SCNN1B: variants seen among roughly 807,000 people sequenced by gnomAD.
The protein encoded by SCNN1B is sodium channel epithelial 1 subunit beta, also known as epithelial sodium channel subunit beta.
A neutral mutation model predicts 65.3 loss-of-function variants in SCNN1B; 46 were observed. That is an observed-to-expected ratio of 0.70 (90% CI 0.56 to 0.90). The LOEUF (loss-of-function observed/expected upper bound fraction) is 0.90. SCNN1B is among the 40% of genes least tolerant of loss of function. SCNN1B has a pLI of 0.00. For missense variants in SCNN1B, 751 were observed against 830.5 expected (o/e 0.90, Z 1.18); for synonymous variants, 349 against 330.6 (o/e 1.06, Z -0.60).
At chr16:23,335,468 T>C (rs950700394) in intron 1 of SCNN1B, among the ~76,000 whole-genome samples, 2 of 150,920 alleles carry the variant, frequency 1.3e-5, no homozygotes, top group African/African-American at 2.4e-5. Flanking sequence ...TCTTTTTTTT[T>C]TTTTTTAGAT....
intron 1 of SCNN1B, among the ~76,000 whole-genome samples, chr16:23,313,628 T>G (rs1961390179): frequency 6.6e-6 from 1 of 152,234 alleles, no homozygotes; most frequent in Non-Finnish European, 1.5e-5. Context: ...GTTTGTTTGT[T>G]TTGAAATGGA....
chr16:23,375,460 C>A (rs1962873584), intron 7 of SCNN1B, among the ~76,000 whole-genome samples: 1 of 152,164 alleles, frequency 6.6e-6, no homozygotes, highest in South Asian at 2.1e-4. Flanking sequence ...AGGGTGAGGA[C>A]CCCAGCTCTG....
intron 2 of SCNN1B, among the ~76,000 whole-genome samples, chr16:23,295,640 C>T (rs188574913): frequency 6.6e-6 from 1 of 152,310 alleles, no homozygotes; most frequent in African/African-American, 2.4e-5. Flanking sequence ...GCATAAGCCA[C>T]TGCACCCAGC....
In SCNN1B at chr16:23,380,874, T is replaced by C; in HGVS notation, c.*73T>C. The C allele has an allele frequency of 6.5e-7, 1 of 1,531,096 alleles. No homozygotes were observed. The highest frequency in any genetic ancestry group is 9.0e-7 in the Non-Finnish European group (1 of 1,108,162). 94.8% of individuals were successfully genotyped at this position (1,531,096 alleles called of 1,614,324 possible). ...GACTGTTGCCCGAGGCCTCACTGTA[T>C]GGTGCCCTCTCCAAAGGGTCGGGAG... On this transcript the variant is annotated 3_prime_UTR_variant, in exon 13 of 13. Transcript: ENST00000343070. This position sits in a 1 kb window ranked among gnomAD's most constrained non-coding sequence, Gnocchi z 5.4.
intron 1 of SCNN1B, among the ~76,000 whole-genome samples, chr16:23,302,670 G>A (rs1360598545): frequency 6.6e-6 from 1 of 152,168 alleles, no homozygotes; most frequent in Non-Finnish European, 1.5e-5. Flanking sequence ...GGTGCAGAAG[G>A]CAGACGGGGC....
intron 7 of SCNN1B, among the ~76,000 whole-genome samples, chr16:23,375,032 G>C (rs1199755324): frequency 6.6e-6 from 1 of 152,112 alleles, no homozygotes; most frequent in East Asian, 1.9e-4. Flanking sequence ...AGAGGGTCAT[G>C]ACTCGCCCTA....
chr16:23,331,958 CTTGTTTGT>C (rs551211178), intron 1 of SCNN1B, among the ~76,000 whole-genome samples: 24 of 151,980 alleles, frequency 1.6e-4, no homozygotes, highest in African/African-American at 5.1e-4. Flanking sequence ...TGGGTTTTTG[CTTGTTTGT>C]TTGTTTGTTT....
Position 23,348,750 on chromosome 16 carries a change from A to G in SCNN1B, c.151A>G (p.Met51Val). ...CTGTGAGGGGCCCAAGAAGAAAGCC[A>G]TGTGGTTCCTGCTCACCCTGCTCTT... The part of the protein sequence containing the change: ...IICEGPKKKA[M>V]WFLLTLLFAA... The change falls in exon 2 of 13, where the codon ATG becomes GTG. Residue 51 changes from methionine (M) to valine (V), a missense_variant. Physicochemically the swap from Met to Val is conservative, Grantham distance 21. Coordinates refer to ENST00000343070, the MANE Select transcript of SCNN1B (RefSeq NM_000336.3). The surrounding 1 kb of genome is among the most constrained non-coding windows in gnomAD (Gnocchi z 4.5). 6.2e-7 allele frequency: 1 copy of G among 1,614,216 alleles called. No homozygotes were observed. Among genetic ancestry groups the G allele is most frequent in the Non-Finnish European group, 8.5e-7 (1 of 1,180,038 alleles).
rs1431810451 is a variant in SCNN1B at position 23,348,992 on chromosome 16, TC to T, written c.311+84del. 3 of 1,063,482 alleles carry T rather than the reference TC, an allele frequency of 2.8e-6. No homozygotes were observed. In the African/African-American group the frequency reaches 4.7e-5, roughly 17 times the overall value. 65.9% of individuals were successfully genotyped at this position (1,063,482 alleles called of 1,614,324 possible). A position where few individuals can be genotyped will look rare whatever the true frequency, so the allele number is the denominator to read the frequency against. ...CTTTTCTTCCCTTCTACCTTTCCTT[TC>T]CTTCCTTTCCTTCCTTCTCCTTTCT... is the stretch of plus-strand genomic sequence containing the variant. On this transcript the variant is annotated intron_variant, in intron 2 of 12. Transcript: ENST00000343070. The surrounding 1 kb of genome is among the most constrained non-coding windows in gnomAD (Gnocchi z 4.5).
intron 2 of SCNN1B, among the ~76,000 whole-genome samples, chr16:23,291,894 T>C (rs1255859874): frequency 1.3e-5 from 2 of 152,012 alleles, no homozygotes; most frequent in African/African-American, 4.8e-5. Flanking sequence ...GTCTCTGCAT[T>C]TATATAAATA....
At position 23,355,397 on chromosome 16, in the gene SCNN1B, ACAG is replaced by A; in HGVS notation, c.685_687del (p.Gln229del). 1 of 1,614,190 alleles carries A rather than the reference ACAG, an allele frequency of 6.2e-7. No individual in the cohort carries two copies. The highest frequency in any genetic ancestry group is 8.5e-7 in the Non-Finnish European group (1 of 1,180,046). ...TCCTGCAGGCCACCAACATCTTTGC[ACAG>A]GTGCCACAGCAGGAGCTAGTAGAGA... On this transcript the variant is annotated inframe_deletion, in exon 4 of 13. Transcript: ENST00000343070.
rs531653232 is a variant in SCNN1B, at chr16:23,362,590, G to A, written c.777-5266G>A. Among the ~76,000 whole-genome samples, 13 of 152,288 alleles carry A rather than the reference G, an allele frequency of 8.5e-5. No individual in the cohort carries two copies. The East Asian group carries it at 2.5e-3, about 29-fold the overall frequency. ...GGCTCCCAGCCCAGCAGAGATTTCTGTAGGGAAACACCTGGCTCTGGAATC... is the reference window on the plus strand; with the variant it reads ...GGCTCCCAGCCCAGCAGAGATTTCTATAGGGAAACACCTGGCTCTGGAATC... On this transcript the variant is annotated intron_variant, in intron 4 of 12. Transcript: ENST00000343070.
At chr16:23,321,945 A>G (rs1961597248) in intron 1 of SCNN1B, among the ~76,000 whole-genome samples, 1 of 152,110 alleles carries the variant, frequency 6.6e-6, no homozygotes, top group Non-Finnish European at 1.5e-5. Context: ...GGATCGCTTG[A>G]GCCCGGGAGG....
Position 23,355,460 on chromosome 16 carries a change from C to T in SCNN1B, c.747C>T (p.Cys249=). The T allele has an allele frequency of 6.2e-7, 1 of 1,614,192 alleles. No homozygotes were observed. Residue 249 remains cysteine (C), a synonymous_variant, in exon 4 of 13, where the codon TGC becomes TGT. Coordinates refer to ENST00000343070, the MANE Select transcript of SCNN1B (RefSeq NM_000336.3). ...SYPGEQMILA[C]LFGAEPCNYR... Reference sequence around the variant, plus strand: ...CCGGCGAGCAGATGATCCTGGCCTGCCTATTCGGAGCTGAGCCCTGCAACT... The same window carrying T: ...CCGGCGAGCAGATGATCCTGGCCTGTCTATTCGGAGCTGAGCCCTGCAACT...
chr16:23,369,612 C>T (rs1296775366), intron 5 of SCNN1B, among the ~76,000 whole-genome samples: 1 of 152,126 alleles, frequency 6.6e-6, no homozygotes, highest in Non-Finnish European at 1.5e-5. Flanking sequence ...CTGACCTCTG[C>T]AACCACCAAG....
intron 1 of SCNN1B, among the ~76,000 whole-genome samples, chr16:23,324,269 C>T (rs1333463605): frequency 1.3e-5 from 2 of 151,602 alleles, no homozygotes; most frequent in South Asian, 2.1e-4. Flanking sequence ...ATCACTGCAG[C>T]CTGGAACTCC....
At chr16:23,344,348 C>T (rs934233946) in intron 1 of SCNN1B, among the ~76,000 whole-genome samples, 1 of 152,168 alleles carries the variant, frequency 6.6e-6, no homozygotes, top group African/African-American at 2.4e-5. Flanking sequence ...TTCTCCTTGA[C>T]TAAATCAGAA....
chr16:23,338,805 G>A (rs529831804), intron 1 of SCNN1B, among the ~76,000 whole-genome samples: 10 of 152,118 alleles, frequency 6.6e-5, no homozygotes, highest in East Asian at 3.8e-4. Flanking sequence ...GAAAATCCAC[G>A]TTTTAAAAAA....
chr16:23,369,483 C>T (rs1451212504), intron 5 of SCNN1B, among the ~76,000 whole-genome samples: 5 of 152,238 alleles, frequency 3.3e-5, no homozygotes, highest in African/African-American at 4.8e-5. Flanking sequence ...CCCCCTCCCT[C>T]GGGGCTCATG....
Sources: allele counts gnomAD v4.1 joint callset (sites outside exome capture counted in the v4.1 genomes callset), GRCh38; gene constraint gnomAD v4.1.1; non-coding constraint Gnocchi (gnomAD v3.1); transcripts MANE v1.5; gene names NCBI Gene and HGNC (gene_info 2026-07-23, HGNC 2026-07-21).